RMDN2: variants seen among roughly 807,000 people sequenced by gnomAD.
RMDN2 encodes the protein regulator of microtubule dynamics protein 2.
A neutral mutation model predicts 52.8 loss-of-function variants in RMDN2; 61 were observed. The ratio of observed to expected loss-of-function variants is 1.16; its 90% confidence interval spans 0.94 to 1.43. RMDN2 has a LOEUF of 1.43. Among genes scored for constraint, RMDN2 ranks in the 40% most tolerant of loss-of-function variants. The pLI, the probability that RMDN2 is intolerant of heterozygous loss-of-function variation, is 0.00. For synonymous variants in RMDN2, 180 were observed against 153.1 expected (o/e 1.18, Z -1.30); for missense variants, 592 against 475.3 (o/e 1.25, Z -2.28).
intron 2 of RMDN2, chr2:37,952,002 A>T (rs148437492): frequency 5.0e-6 from 8 of 1,613,106 alleles, no homozygotes; most frequent in Non-Finnish European, 5.9e-6. Flanking sequence ...TCATTCTCCA[A>T]TCATGATTCC....
intron 2 of RMDN2, chr2:37,952,312 C>T (rs916506360): frequency 1.0e-6 from 1 of 998,462 alleles, no homozygotes; most frequent in Non-Finnish European, 1.5e-6. Context: ...CCTCACAAAG[C>T]TTCACTGCAT....
At chr2:38,024,222 T>A (rs1336818992) in intron 10 of RMDN2, among the ~76,000 whole-genome samples, 1 of 152,176 alleles carries the variant, frequency 6.6e-6, no homozygotes, top group African/African-American at 2.4e-5. Flanking sequence ...CAGTATTTGA[T>A]TATAACAAAC....
chr2:37,943,055 C>T (rs1423477515), intron 2 of RMDN2, among the ~76,000 whole-genome samples: 1 of 152,228 alleles, frequency 6.6e-6, no homozygotes, highest in African/African-American at 2.4e-5. Context: ...CAGCCATCCA[C>T]ATGCCACCCA....
rs74347075 is a variant in RMDN2, at chr2:38,012,021, T to A, written c.1180-5165T>A. Among the ~76,000 whole-genome samples the A allele has an allele frequency of 4.3e-3, 653 of 152,286 alleles. 3 individuals are homozygous for A. The highest frequency in any genetic ancestry group is 0.015 in the African/African-American group (634 of 41,544). ...TGCTCAAAACCCTTTGCTGCTGGGA[T>A]GAGGGTCAGAATTTTTAGCATGTCT... is the stretch of plus-strand genomic sequence containing the variant. On this transcript the variant is annotated intron_variant, in intron 10 of 10. Transcript: ENST00000354545.
At chr2:38,007,037 G>A (rs901086761) in intron 10 of RMDN2, among the ~76,000 whole-genome samples, 1 of 152,194 alleles carries the variant, frequency 6.6e-6, no homozygotes, top group African/African-American at 2.4e-5. Context: ...AACCAGCCTT[G>A]CATCCCAGGG....
intron 8 of RMDN2, among the ~76,000 whole-genome samples, chr2:38,000,601 A>G (rs1676184337): frequency 6.6e-6 from 1 of 152,196 alleles, no homozygotes; most frequent in South Asian, 2.1e-4. Context: ...ATCATACAAC[A>G]TGTACTTTTG....
chr2:37,924,689 C>A (rs78997303), upstream of RMDN2, among the ~76,000 whole-genome samples: 2 of 152,164 alleles, frequency 1.3e-5, no homozygotes, highest in Non-Finnish European at 2.9e-5. Context: ...GCGTATTTAG[C>A]AGAATTAGTT....
intron 2 of RMDN2, among the ~76,000 whole-genome samples, chr2:37,933,010 C>T (rs1666952180): frequency 6.6e-6 from 1 of 151,708 alleles, no homozygotes; most frequent in Admixed American, 6.5e-5. Flanking sequence ...GGGCTCCTCA[C>T]TTCTCAGACG....
intron 10 of RMDN2, among the ~76,000 whole-genome samples, chr2:38,064,562 G>A (rs995147397): frequency 6.6e-6 from 1 of 152,050 alleles, no homozygotes; most frequent in Admixed American, 6.6e-5. Context: ...TGGAGAAGGT[G>A]AAGAGATCAT....
intron 10 of RMDN2, chr2:38,029,320 T>C (rs1236056258): frequency 2.6e-5 from 4 of 152,284 alleles, no homozygotes; most frequent in East Asian, 2.0e-4. Flanking sequence ...TGCCCACTCA[T>C]GGAAATCTCC....
Position 37,989,627 on chromosome 2 carries a change from T to C in RMDN2, c.867+11T>C. 6.4e-7 allele frequency: 1 copy of C among 1,568,308 alleles called. No individual in the cohort carries two copies. Among genetic ancestry groups the C allele is most frequent in the Non-Finnish European group, 8.7e-7 (1 of 1,149,690 alleles). On this transcript the variant is annotated intron_variant, in intron 6 of 10. Coordinates refer to ENST00000354545, the MANE Select transcript of RMDN2 (RefSeq NM_001170791.3). ...GGGCACCTCTTCAAGGTATTTCTTT[T>C]TTTTTTTTCATATTTCTTTTCAGAT...
intron 10 of RMDN2, among the ~76,000 whole-genome samples, chr2:38,059,654 G>A (rs1166266870): frequency 1.3e-5 from 2 of 152,198 alleles, no homozygotes; most frequent in Non-Finnish European, 2.9e-5. Flanking sequence ...ATTAAATAAT[G>A]TGGTCAGAGG....
At chr2:38,002,509 C>G (rs1676457299) in intron 8 of RMDN2, among the ~76,000 whole-genome samples, 1 of 152,162 alleles carries the variant, frequency 6.6e-6, no homozygotes, top group African/African-American at 2.4e-5. Context: ...GATTTTCTAT[C>G]AATGTGCACA....
intron 2 of RMDN2, among the ~76,000 whole-genome samples, chr2:37,932,821 C>T (rs1445301115): frequency 8.7e-6 from 1 of 114,468 alleles, no homozygotes; most frequent in African/African-American, 3.2e-5. Flanking sequence ...GGGGGCTGAC[C>T]CCCCGACCTC....
At chr2:38,025,553 C>A (rs1437747161) in intron 10 of RMDN2, among the ~76,000 whole-genome samples, 2 of 152,042 alleles carry the variant, frequency 1.3e-5, no homozygotes, top group African/African-American at 2.4e-5. Flanking sequence ...AATTTCTGAT[C>A]TGAGGGGAAA....
At chr2:37,985,743 A>G (rs1000321092) in intron 5 of RMDN2, among the ~76,000 whole-genome samples, 1 of 152,328 alleles carries the variant, frequency 6.6e-6, no homozygotes, top group Non-Finnish European at 1.5e-5. Context: ...AGATTTTAAC[A>G]TGTTGAAAAA....
intron 10 of RMDN2, among the ~76,000 whole-genome samples, chr2:38,008,331 G>T (rs1188195289): frequency 6.6e-6 from 1 of 152,142 alleles, no homozygotes; most frequent in Non-Finnish European, 1.5e-5. Context: ...TTATTACTGT[G>T]TGGGAGTCTA....
chr2:37,958,006 A>G (rs888172407), intron 2 of RMDN2, among the ~76,000 whole-genome samples: 2 of 151,980 alleles, frequency 1.3e-5, no homozygotes, highest in Non-Finnish European at 2.9e-5. Context: ...TGGTCTATAT[A>G]TCTGTTTTGG....
chr2:38,051,168 T>C (rs1681572918), intron 10 of RMDN2, among the ~76,000 whole-genome samples: 1 of 152,218 alleles, frequency 6.6e-6, no homozygotes, highest in African/African-American at 2.4e-5. Flanking sequence ...TCAGGCTTCA[T>C]TAATCTGGAA....
Sources: allele counts gnomAD v4.1 joint callset (sites outside exome capture counted in the v4.1 genomes callset), GRCh38; gene constraint gnomAD v4.1.1; transcripts MANE v1.5; gene names NCBI Gene and HGNC (gene_info 2026-07-23, HGNC 2026-07-21).